Variants in EML6 observed in about 807,000 individuals in gnomAD.
The protein encoded by EML6 is EMAP like 6.
Under a neutral mutation model 240.1 loss-of-function variants are expected in EML6, and 154 were observed. The ratio of observed to expected loss-of-function variants is 0.64; its 90% CI spans 0.56 to 0.73. The LOEUF is 0.73. EML6 is among the 30% of genes least tolerant of loss of function. The pLI, the probability that EML6 is intolerant of heterozygous loss-of-function variation, is 0.00. For missense variants in EML6, 2,964 were observed against 2,474.6 expected (o/e 1.20, Z -4.20); for synonymous variants, 1,148 against 899.0 (o/e 1.28, Z -4.95).
At chr2:54,867,859 T>G in intron 14 of EML6, 1 of 152,218 alleles carries the variant, frequency 6.6e-6, no homozygotes, top group East Asian at 1.9e-4. Flanking sequence ...CATAAAATTT[T>G]ACCCTAACAT....
At chr2:54,916,240 T>C (rs1343617916) in intron 25 of EML6, among the ~76,000 whole-genome samples, 1 of 152,240 alleles carries the variant, frequency 6.6e-6, no homozygotes, top group African/African-American at 2.4e-5. Context: ...ATCATCTCCA[T>C]TGATCAGCCT....
At chr2:54,804,521 G>A (rs537311567) in intron 2 of EML6, among the ~76,000 whole-genome samples, 3 of 152,280 alleles carry the variant, frequency 2.0e-5, no homozygotes, top group East Asian at 3.9e-4. Flanking sequence ...GAACCTCTGC[G>A]AGTTGATAAA....
intron 2 of EML6, among the ~76,000 whole-genome samples, chr2:54,750,325 C>T (rs1460351585): frequency 6.6e-6 from 1 of 152,212 alleles, no homozygotes; most frequent in African/African-American, 2.4e-5. Flanking sequence ...TACTTACTCA[C>T]CAGCCAGTCT....
At chr2:54,823,882 GTC>G (rs372503443) in intron 5 of EML6, among the ~76,000 whole-genome samples, 25 of 87,376 alleles carry the variant, frequency 2.9e-4, no homozygotes, top group Non-Finnish European at 2.6e-4. Flanking sequence ...CTCTCTTTCT[GTC>G]TCTCTCTCTC....
intron 10 of EML6, among the ~76,000 whole-genome samples, chr2:54,850,868 G>T (rs1330691925): frequency 6.6e-6 from 1 of 152,122 alleles, no homozygotes; most frequent in East Asian, 1.9e-4. Flanking sequence ...TAAAGAACTT[G>T]AATAAATTAA....
intron 16 of EML6, among the ~76,000 whole-genome samples, chr2:54,874,486 A>G (rs1006870752): frequency 4.6e-5 from 7 of 152,198 alleles, no homozygotes; most frequent in Non-Finnish European, 8.8e-5. Context: ...CCAGATAACA[A>G]TCACTGGGAA....
At chr2:54,848,735 C>T (rs1389015299) in intron 9 of EML6, among the ~76,000 whole-genome samples, 1 of 152,144 alleles carries the variant, frequency 6.6e-6, no homozygotes, top group African/African-American at 2.4e-5. Context: ...ATAATCCTGT[C>T]TCACAATTGT....
At chr2:54,968,324 G>C in intron 40 of EML6, 43 bp downstream of exon 40, 1 of 1,546,494 alleles carries the variant, frequency 6.5e-7, no homozygotes, top group Non-Finnish European at 8.8e-7. Context: ...TTCTCTGTTT[G>C]GCCGTCTGCA....
chr2:54,769,619 G>A (rs354194), intron 2 of EML6, among the ~76,000 whole-genome samples: 137,417 of 152,224 alleles, frequency 0.9, 62,289 homozygotes, highest in East Asian at 0.99. Flanking sequence ...TATTTAAAGT[G>A]TACAACTTGA....
In EML6 at chr2:54,971,683, T is replaced by A. The variant is rs567396196; in HGVS notation, c.*1588T>A. 2.6e-5 allele frequency: 4 copies of A among 152,334 alleles called. No individual in the cohort carries two copies. Among genetic ancestry groups the A allele is most frequent in the African/African-American group, 9.6e-5 (4 of 41,588 alleles). The allele number at this position is 152,334 out of a possible 1,614,324, so 9.4% of individuals were successfully genotyped here. A position where few individuals can be genotyped will look rare whatever the true frequency, so the allele number is the denominator to read the frequency against. On this transcript the variant is annotated 3_prime_UTR_variant, in exon 42 of 42. Transcript: ENST00000356458. ...TATGCAGTCCCAATTCTGTTTTCTG[T>A]AACCATGTGACTGGTGATGCAGAGT...
At chr2:54,852,586 T>C (rs777687734) in intron 10 of EML6, among the ~76,000 whole-genome samples, 3 of 152,216 alleles carry the variant, frequency 2.0e-5, no homozygotes, top group Non-Finnish European at 4.4e-5. Flanking sequence ...CCTGAGTTAC[T>C]TCCTAGGACT....
In EML6 at chr2:54,869,305, C is replaced by T. The variant is rs374791760; in HGVS notation, c.2176C>T (p.His726Tyr). 6.4e-7 allele frequency: 1 copy of T among 1,551,524 alleles called. No individual in the cohort carries two copies. The highest frequency in any genetic ancestry group is 8.7e-7 in the Non-Finnish European group (1 of 1,146,930). ...QQHSQRLYLG[H>Y]DDDILSLTIH... ...GCACTCCCAGAGGCTGTACCTGGGG[C>T]ACGATGACGACATTCTCAGCCTGAC... Residue 726 changes from histidine to tyrosine, a missense_variant, in exon 15 of 42, where the codon CAC becomes TAC. Coordinates refer to ENST00000356458, the MANE Select transcript of EML6 (RefSeq NM_001039753.4).
At chr2:54,830,352 CAT>C in intron 7 of EML6, among the ~76,000 whole-genome samples, 1 of 152,284 alleles carries the variant, frequency 6.6e-6, no homozygotes, top group East Asian at 1.9e-4. Context: ...GGGAGGGGTA[CAT>C]GGTACTGTGA....
At chr2:54,930,777 G>A (rs5010712) in intron 28 of EML6, among the ~76,000 whole-genome samples, 23,924 of 151,924 alleles carry the variant, frequency 0.16, 2,131 homozygotes, top group South Asian at 0.34. Context: ...ACAGCATGCC[G>A]GGAGCAGAGT....
At chr2:54,732,506 G>A (rs1199247109) in intron 2 of EML6, among the ~76,000 whole-genome samples, 1 of 152,016 alleles carries the variant, frequency 6.6e-6, no homozygotes, top group African/African-American at 2.4e-5. Flanking sequence ...TTATTCTCTT[G>A]CATGTGGATA....
intron 2 of EML6, among the ~76,000 whole-genome samples, chr2:54,800,908 C>A (rs887598823): frequency 6.6e-6 from 1 of 152,126 alleles, no homozygotes; most frequent in African/African-American, 2.4e-5. Flanking sequence ...GGAACAGGAG[C>A]TGGTAAATGG....
intron 21 of EML6, among the ~76,000 whole-genome samples, chr2:54,899,258 G>C (rs531754324): frequency 6.6e-6 from 1 of 152,308 alleles, no homozygotes; most frequent in South Asian, 2.1e-4. Context: ...GTGTCCTTGT[G>C]ATTAAGCTGC....
At chr2:54,778,967 C>T (rs62136879) in intron 2 of EML6, among the ~76,000 whole-genome samples, 1 of 151,622 alleles carries the variant, frequency 6.6e-6, no homozygotes. Flanking sequence ...AATAACTTTC[C>T]TTACACTCTT....
chr2:54,779,396 A>T (rs1668744807), intron 2 of EML6, among the ~76,000 whole-genome samples: 1 of 151,856 alleles, frequency 6.6e-6, no homozygotes, highest in East Asian at 1.9e-4. Flanking sequence ...ATACAAAAAA[A>T]TTAGCTGGGT....
Sources: allele counts gnomAD v4.1 joint callset (sites outside exome capture counted in the v4.1 genomes callset), GRCh38; gene constraint gnomAD v4.1.1; transcripts MANE v1.5; gene names NCBI Gene and HGNC (gene_info 2026-07-23, HGNC 2026-07-21).